The following PCMTD1 variants were observed in gnomAD, a reference collection of about 807,000 sequenced individuals.
PCMTD1 encodes the protein protein-L-isoaspartate O-methyltransferase domain-containing protein 1.
PCMTD1 carries 12 observed loss-of-function variants against 37.6 expected under a neutral mutation model. The ratio of observed to expected loss-of-function variants is 0.32; its 90% CI spans 0.20 to 0.52. PCMTD1 has a LOEUF of 0.52. Ranked by LOEUF, PCMTD1 falls within the 20% of genes least tolerant of loss-of-function variation. PCMTD1 has a pLI of 0.97. For synonymous variants in PCMTD1, 117 were observed against 135.8 expected, an observed-to-expected ratio of 0.86 and a Z score of 0.96; for missense variants, 235 against 421.3, an observed-to-expected ratio of 0.56 and a Z score of 3.87.
intron 5 of PCMTD1, among the ~76,000 whole-genome samples, chr8:51,830,175 C>T (rs934179338): frequency 4.6e-5 from 7 of 152,072 alleles, no homozygotes; most frequent in Admixed American, 1.3e-4. Flanking sequence ...ACCATTTTAT[C>T]GCTAAATTGG....
At chr8:51,873,973 C>T (rs1057402959) in intron 1 of PCMTD1, among the ~76,000 whole-genome samples, 2 of 149,472 alleles carry the variant, frequency 1.3e-5, no homozygotes, top group Admixed American at 6.7e-5. Flanking sequence ...AGTGCAGTGG[C>T]GCAATCTCAG....
intron 1 of PCMTD1, among the ~76,000 whole-genome samples, chr8:51,869,091 A>G (rs1487531860): frequency 6.6e-6 from 1 of 152,194 alleles, no homozygotes; most frequent in Non-Finnish European, 1.5e-5. Flanking sequence ...ACTATGAATA[A>G]TCAATATAAT....
At position 51,832,648 on chromosome 8, in the gene PCMTD1, T is replaced by C. The variant is rs964867834; in HGVS notation, c.582+870A>G. 2.0e-5 allele frequency among the ~76,000 whole-genome samples: 3 copies of C among 152,238 alleles called. No homozygotes were observed. The South Asian group carries it at 6.2e-4, about 31-fold the overall frequency. On this transcript the variant is annotated intron_variant, in intron 4 of 5. Transcript: ENST00000522514. The stretch of plus-strand genomic sequence containing the variant: ...TTTAAAGTAATTTGCTTTTGAAAGG[T>C]ATACCCATTTTCTGAGTAAATTAGT...
intron 2 of PCMTD1, among the ~76,000 whole-genome samples, chr8:51,846,176 ATG>A (rs1195334072): frequency 5.3e-5 from 8 of 152,262 alleles, no homozygotes; most frequent in Middle Eastern, 6.8e-3. Flanking sequence ...TATTACATGA[ATG>A]TCTCAGGGCA....
At chr8:51,859,551 G>C (rs952861936) in intron 2 of PCMTD1, among the ~76,000 whole-genome samples, 4 of 152,172 alleles carry the variant, frequency 2.6e-5, no homozygotes, top group African/African-American at 9.7e-5. Flanking sequence ...AAACAGATGG[G>C]AGGTCCCATG....
chr8:51,824,748 A>T (rs973201683), intron 5 of PCMTD1, among the ~76,000 whole-genome samples: 27 of 152,150 alleles, frequency 1.8e-4, no homozygotes, highest in African/African-American at 6.5e-4. Flanking sequence ...ACAATCTTAA[A>T]CAAAAAGAAC....
At chr8:51,844,425 C>G (rs544750422) in intron 3 of PCMTD1, among the ~76,000 whole-genome samples, 21 of 152,230 alleles carry the variant, frequency 1.4e-4, no homozygotes, top group Non-Finnish European at 2.6e-4. Context: ...TCCCAACTGC[C>G]CCATGCCTGC....
chr8:51,856,028 T>C (rs1199507719), intron 2 of PCMTD1, among the ~76,000 whole-genome samples: 1 of 152,152 alleles, frequency 6.6e-6, no homozygotes, highest in Non-Finnish European at 1.5e-5. Flanking sequence ...CTGACCACCC[T>C]GGATCTCCCT....
At chr8:51,870,124 G>A (rs2129289372) in intron 1 of PCMTD1, 1 of 152,340 alleles carries the variant, frequency 6.6e-6, no homozygotes, top group Non-Finnish European at 1.5e-5. Context: ...AGAACAAAAT[G>A]AATGCTGACT....
chr8:51,867,965 T>G (rs1320505525), intron 1 of PCMTD1, among the ~76,000 whole-genome samples: 1 of 152,154 alleles, frequency 6.6e-6, no homozygotes, highest in Non-Finnish European at 1.5e-5. Context: ...CAATTATTGC[T>G]GAAACTGTAA....
intron 2 of PCMTD1, among the ~76,000 whole-genome samples, chr8:51,857,757 A>G (rs2038412762): frequency 6.6e-6 from 1 of 152,224 alleles, no homozygotes; most frequent in East Asian, 1.9e-4. Context: ...GAGTTGATCT[A>G]TTCTCCACTT....
intron 5 of PCMTD1, among the ~76,000 whole-genome samples, chr8:51,830,524 A>G (rs2037983194): frequency 6.6e-6 from 1 of 152,132 alleles, no homozygotes. Flanking sequence ...CGAGTCAGCT[A>G]TTCTTCTGCC....
chr8:51,863,659 C>G (rs1028142021), intron 1 of PCMTD1, among the ~76,000 whole-genome samples: 1 of 152,152 alleles, frequency 6.6e-6, no homozygotes, highest in African/African-American at 2.4e-5. Context: ...CGGTGGCTCA[C>G]GCCTGTAATC....
intron 2 of PCMTD1, chr8:51,849,860 C>T: frequency 1.9e-6 from 1 of 538,118 alleles, no homozygotes; most frequent in Non-Finnish European, 3.3e-6. Flanking sequence ...TTGTAATGTC[C>T]AACATTTTGA....
chr8:51,828,274 A>T (rs2037949807), intron 5 of PCMTD1, among the ~76,000 whole-genome samples: 1 of 152,196 alleles, frequency 6.6e-6, no homozygotes, highest in Non-Finnish European at 1.5e-5. Flanking sequence ...CCATCAAGTT[A>T]GGATAATTTA....
At chr8:51,893,332 T>C (rs1305834548) in intron 1 of PCMTD1, among the ~76,000 whole-genome samples, 1 of 152,220 alleles carries the variant, frequency 6.6e-6, no homozygotes, top group Non-Finnish European at 1.5e-5. Context: ...ATGATAACCA[T>C]TAACATCGAT....
At chr8:51,893,915 G>A (rs2038967659) in intron 1 of PCMTD1, among the ~76,000 whole-genome samples, 1 of 152,178 alleles carries the variant, frequency 6.6e-6, no homozygotes, top group Admixed American at 6.5e-5. Flanking sequence ...CATACTTCCT[G>A]AGCACCCACT....
Position 51,820,214 on chromosome 8 carries a change from C to G in PCMTD1, c.*137G>C. On this transcript the variant is annotated 3_prime_UTR_variant, in exon 6 of 6. Transcript: ENST00000522514. ...TTCACTGAATACATCATTTGTGTTA[C>G]TGACAGAAACAAGTGATTTTTTTTC... is the stretch of plus-strand genomic sequence containing the variant. 3 of 635,518 alleles carry G rather than the reference C, an allele frequency of 4.7e-6. No homozygotes were observed. The highest frequency in any genetic ancestry group is 6.8e-6 in the Non-Finnish European group (3 of 439,812). 39.4% of individuals were successfully genotyped at this position (635,518 alleles called of 1,614,324 possible). A position where few individuals can be genotyped will look rare whatever the true frequency, so the allele number is the denominator to read the frequency against.
intron 2 of PCMTD1, among the ~76,000 whole-genome samples, chr8:51,848,175 A>T (rs1198606485): frequency 6.6e-6 from 1 of 152,106 alleles, no homozygotes; most frequent in Non-Finnish European, 1.5e-5. Flanking sequence ...GGCTGCATAG[A>T]TAGGAGTTCA....
Sources: allele counts gnomAD v4.1 joint callset (sites outside exome capture counted in the v4.1 genomes callset), GRCh38; gene constraint gnomAD v4.1.1; transcripts MANE v1.5; gene names NCBI Gene and HGNC (gene_info 2026-07-23, HGNC 2026-07-21).